TMEM14A: variants seen among roughly 807,000 people sequenced by gnomAD.
TMEM14A encodes transmembrane protein 14A.
In TMEM14A, 8 loss-of-function variants were observed where a neutral mutation model predicts 11.6. That is an observed-to-expected ratio of 0.69 (90% CI 0.40 to 1.24). The LOEUF (loss-of-function observed/expected upper bound fraction) is 1.24. Ranked by LOEUF, TMEM14A falls within the 50% of genes most tolerant of loss-of-function variation. TMEM14A has a pLI of 0.01. For synonymous variants in TMEM14A, 34 were observed against 45.5 expected (o/e 0.75, Z 1.02); for missense variants, 108 against 121.9 (o/e 0.89, Z 0.54).
intron 2 of TMEM14A, among the ~76,000 whole-genome samples, chr6:52,679,795 T>A (rs1462153796): frequency 2.7e-4 from 41 of 151,496 alleles, no homozygotes; most frequent in African/African-American, 9.7e-4. Context: ...CTGTTTGCTG[T>A]CTGATCTCAT....
chr6:52,679,682 G>A (rs1251811584), intron 2 of TMEM14A, among the ~76,000 whole-genome samples: 8 of 152,098 alleles, frequency 5.3e-5, no homozygotes, highest in South Asian at 2.1e-4. Flanking sequence ...TTCCACCAGC[G>A]TGGTTTTCTT....
chr6:52,672,556 C>T (rs1769181570), intron 1 of TMEM14A, among the ~76,000 whole-genome samples: 1 of 152,110 alleles, frequency 6.6e-6, no homozygotes, highest in Non-Finnish European at 1.5e-5. Context: ...CACCGCCACA[C>T]ACCTGCTGCT....
chr6:52,684,908 TAAGG>T (rs1381478556), intron 4 of TMEM14A, among the ~76,000 whole-genome samples: 2 of 152,148 alleles, frequency 1.3e-5, no homozygotes, highest in Non-Finnish European at 2.9e-5. Context: ...AGTTCACCAG[TAAGG>T]AGATGTTTGA....
intron 1 of TMEM14A, among the ~76,000 whole-genome samples, chr6:52,675,794 T>C (rs1044408553): frequency 6.6e-6 from 1 of 152,226 alleles, no homozygotes; most frequent in Admixed American, 6.5e-5. Flanking sequence ...CTGTAAAGAA[T>C]GAGAGGACTA....
chr6:52,677,611 G>C (rs948264311), intron 2 of TMEM14A, among the ~76,000 whole-genome samples: 1 of 151,788 alleles, frequency 6.6e-6, no homozygotes, highest in African/African-American at 2.4e-5. Context: ...CCAAAAGAGG[G>C]GGGAAAAAAA....
chr6:52,682,728 T>C (rs1158106631), intron 3 of TMEM14A, among the ~76,000 whole-genome samples: 2 of 152,052 alleles, frequency 1.3e-5, no homozygotes, highest in African/African-American at 4.8e-5. Flanking sequence ...TTCACAAGTA[T>C]TTATTGTCAG....
At chr6:52,671,734 C>G (rs187370205) in intron 1 of TMEM14A, among the ~76,000 whole-genome samples, 92 of 152,346 alleles carry the variant, frequency 6.0e-4, no homozygotes, top group Non-Finnish European at 9.0e-4. Flanking sequence ...GCGAGGCTGT[C>G]CCCTGTCACC....
chr6:52,676,180 A>G lies in TMEM14A; in HGVS notation c.-16-907A>G, dbSNP rs780603255. On this transcript the variant is annotated intron_variant, in intron 1 of 4. Transcript: ENST00000211314. ...AGACAGGCAGAGGAGAATCAGCTTGAGGTACCCCCCAGAGTGTGCTTAACA... is the reference window on the plus strand; with the variant it reads ...AGACAGGCAGAGGAGAATCAGCTTGGGGTACCCCCCAGAGTGTGCTTAACA... Among the ~76,000 whole-genome samples the G allele has an allele frequency of 4.6e-5, 7 of 152,306 alleles. 1 individual carries two copies. In the Middle Eastern group the frequency reaches 0.01, roughly 222 times the overall value.
intron 2 of TMEM14A, among the ~76,000 whole-genome samples, chr6:52,680,704 T>TATATACACATACAC (rs371102796): frequency 2.0e-5 from 1 of 51,102 alleles, no homozygotes; most frequent in Non-Finnish European, 4.4e-5. Flanking sequence ...TATATATATA[T>TATATACACATACAC]ACACATATAT....
intron 2 of TMEM14A, among the ~76,000 whole-genome samples, chr6:52,680,765 G>A (rs903701022): frequency 7.8e-6 from 1 of 128,982 alleles, no homozygotes; most frequent in Non-Finnish European, 1.6e-5. Context: ...ACTTAGAGAG[G>A]CTAAGTGACT....
Position 52,684,181 on chromosome 6 carries a change from T to C in TMEM14A, c.260+16T>C. ...CAGGTTTAAGGTAAGTAAAACTATTTTGATCAATACTTTCCTCTGCTGTTG... is the reference window on the plus strand; with the variant it reads ...CAGGTTTAAGGTAAGTAAAACTATTCTGATCAATACTTTCCTCTGCTGTTG... On this transcript the variant is annotated intron_variant, in intron 4 of 4. Coordinates refer to ENST00000211314, the MANE Select transcript of TMEM14A (RefSeq NM_014051.4). The C allele has an allele frequency of 1.2e-6, 2 of 1,608,610 alleles. No homozygotes were observed. Among genetic ancestry groups the C allele is most frequent in the African/African-American group, 2.7e-5 (2 of 74,844 alleles).
rs1382655247 is a variant in TMEM14A, at chr6:52,680,603, A to ATATATG, written c.71-1205_71-1204insGTATAT. ...TATATATTTATATATTTATATATAT[A>ATATATG]TATATATATGTATATATATGTGTAT... On this transcript the variant is annotated intron_variant, in intron 2 of 4. Coordinates refer to ENST00000211314, the MANE Select transcript of TMEM14A (RefSeq NM_014051.4). Among the ~76,000 whole-genome samples, 41 of 121,722 alleles carry ATATATG rather than the reference A, an allele frequency of 3.4e-4. 2 individuals carry two copies. The highest frequency in any genetic ancestry group is 5.8e-4 in the Non-Finnish European group (33 of 57,300). 79.9% of individuals were successfully genotyped at this position (121,722 alleles called of 152,430 possible). A position where few individuals can be genotyped will look rare whatever the true frequency, so the allele number is the denominator to read the frequency against.
intron 4 of TMEM14A, among the ~76,000 whole-genome samples, chr6:52,685,346 C>G (rs1209447307): frequency 2.0e-5 from 3 of 152,114 alleles, no homozygotes; most frequent in African/African-American, 7.2e-5. Flanking sequence ...GTAATCCCAG[C>G]ACTTTGGAAG....
At chr6:52,680,696 T>C (rs56113352) in intron 2 of TMEM14A, among the ~76,000 whole-genome samples, 1 of 91,492 alleles carries the variant, frequency 1.1e-5, no homozygotes, top group African/African-American at 3.6e-5. Context: ...TATATGTATA[T>C]ATATATATAC....
At position 52,686,102 on chromosome 6, in the gene TMEM14A, A is replaced by G; in HGVS notation, c.*53A>G. ...CATGTCATCCTGCTGTAATGGGCAG[A>G]GCATATTTTTTTTGTATTTAAAAGA... On this transcript the variant is annotated 3_prime_UTR_variant, in exon 5 of 5. Coordinates refer to ENST00000211314, the MANE Select transcript of TMEM14A (RefSeq NM_014051.4). 6.6e-7 allele frequency: 1 copy of G among 1,522,612 alleles called. No homozygotes were observed. Among genetic ancestry groups the G allele is most frequent in the Non-Finnish European group, 8.9e-7 (1 of 1,129,344 alleles). 94.3% of individuals were successfully genotyped at this position (1,522,612 alleles called of 1,614,324 possible).
chr6:52,680,712 T>TATGTATATATATATATATATATAC (rs1769374693), intron 2 of TMEM14A, among the ~76,000 whole-genome samples: 1 of 133,078 alleles, frequency 7.5e-6, no homozygotes, highest in African/African-American at 2.7e-5. Flanking sequence ...TATACACATA[T>TATGTATATATATATATATATATAC]ATATATGGCA....
At chr6:52,681,982 C>A in intron 3 of TMEM14A, 68 bp downstream of exon 3, 3 of 1,313,370 alleles carry the variant, frequency 2.3e-6, no homozygotes, top group Non-Finnish European at 3.3e-6. Context: ...ATACCCTATG[C>A]TAGATATACT....
At chr6:52,680,698 T>C (rs1581744949) in intron 2 of TMEM14A, among the ~76,000 whole-genome samples, 1 of 92,334 alleles carries the variant, frequency 1.1e-5, no homozygotes, top group Admixed American at 1.1e-4. Context: ...TATGTATATA[T>C]ATATATACAC....
intron 2 of TMEM14A, among the ~76,000 whole-genome samples, chr6:52,678,770 G>C (rs545601657): frequency 2.2e-4 from 33 of 152,154 alleles, no homozygotes; most frequent in Non-Finnish European, 4.6e-4. Flanking sequence ...ATGGTGCCTG[G>C]CATAGAATAA....
Sources: gnomAD v4.1 joint callset for allele counts (sites outside exome capture counted in the v4.1 genomes callset) on GRCh38, gnomAD v4.1.1 for gene constraint, MANE v1.5 for transcripts, NCBI Gene and HGNC (gene_info 2026-07-23, HGNC 2026-07-21) for gene names.